ATP6V1H: variants seen among roughly 807,000 people sequenced by gnomAD.
The protein encoded by ATP6V1H is ATPase H+ transporting V1 subunit H.
Under a neutral mutation model 71.7 loss-of-function variants are expected in ATP6V1H, and 39 were observed. The ratio of observed to expected loss-of-function variants is 0.54; its 90% CI spans 0.42 to 0.71. ATP6V1H has a LOEUF of 0.71. Ranked by LOEUF, ATP6V1H falls within the 30% of genes least tolerant of loss-of-function variation. ATP6V1H has a pLI of 0.00. For missense variants in ATP6V1H, 509 were observed against 594.9 expected (o/e 0.86, Z 1.50); for synonymous variants, 192 against 199.3 (o/e 0.96, Z 0.31).
intron 9 of ATP6V1H, among the ~76,000 whole-genome samples, chr8:53,775,987 C>A (rs1808865739): frequency 6.6e-6 from 1 of 152,224 alleles, no homozygotes; most frequent in South Asian, 2.1e-4. Flanking sequence ...TGCACAGGAA[C>A]CCACGGAGGC....
At chr8:53,794,618 G>A (rs576745372) in intron 9 of ATP6V1H, among the ~76,000 whole-genome samples, 4 of 152,222 alleles carry the variant, frequency 2.6e-5, no homozygotes, top group South Asian at 2.1e-4. Context: ...CGCCCACCTC[G>A]GCCTCCCAAA....
At chr8:53,751,959 T>C (rs1411231700) in intron 12 of ATP6V1H, among the ~76,000 whole-genome samples, 1 of 152,186 alleles carries the variant, frequency 6.6e-6, no homozygotes, top group Non-Finnish European at 1.5e-5. Context: ...TGAGCCACTG[T>C]GCCCGGCCAA....
intron 13 of ATP6V1H, among the ~76,000 whole-genome samples, chr8:53,743,288 A>G (rs1163046785): frequency 6.6e-6 from 1 of 152,226 alleles, no homozygotes; most frequent in Non-Finnish European, 1.5e-5. Flanking sequence ...AACTGCATTC[A>G]GCTCCAAAAA....
chr8:53,828,324 T>A (rs547895972), intron 4 of ATP6V1H, among the ~76,000 whole-genome samples: 1 of 152,158 alleles, frequency 6.6e-6, no homozygotes, highest in Non-Finnish European at 1.5e-5. Context: ...GAGGTACACA[T>A]ACGGAAAGGA....
chr8:53,775,954 G>T (rs974162129), intron 9 of ATP6V1H, among the ~76,000 whole-genome samples: 16 of 152,256 alleles, frequency 1.1e-4, no homozygotes, highest in Non-Finnish European at 8.8e-5. Flanking sequence ...GCAGGGGGCG[G>T]TGCTCATCAG....
chr8:53,817,374 T>TA, intron 5 of ATP6V1H, 43 bp downstream of exon 5: 7 of 1,410,396 alleles, frequency 5.0e-6, no homozygotes, highest in Non-Finnish European at 6.9e-6. Context: ...CCTCTCTCTT[T>TA]AAAAAAATTT....
intron 12 of ATP6V1H, among the ~76,000 whole-genome samples, chr8:53,748,434 C>A: frequency 6.6e-6 from 1 of 152,108 alleles, no homozygotes; most frequent in East Asian, 1.9e-4. Context: ...CTCATTAAAT[C>A]TATTTGAAGG....
At chr8:53,804,223 A>G (rs1810006320) in intron 7 of ATP6V1H, among the ~76,000 whole-genome samples, 1 of 152,226 alleles carries the variant, frequency 6.6e-6, no homozygotes, top group Non-Finnish European at 1.5e-5. Flanking sequence ...CAATTACGCA[A>G]AGTAGAGTGC....
At chr8:53,781,883 C>G (rs921534074) in intron 9 of ATP6V1H, among the ~76,000 whole-genome samples, 1 of 152,162 alleles carries the variant, frequency 6.6e-6, no homozygotes, top group African/African-American at 2.4e-5. Flanking sequence ...GGGCTCTGTT[C>G]TGTTCCATTG....
intron 9 of ATP6V1H, among the ~76,000 whole-genome samples, chr8:53,775,729 A>C (rs1808854538): frequency 6.6e-6 from 1 of 152,156 alleles, no homozygotes; most frequent in Non-Finnish European, 1.5e-5. Context: ...TGGTGCACTC[A>C]CAAACCTTGA....
At chr8:53,765,714 T>A (rs1217050741) in intron 11 of ATP6V1H, among the ~76,000 whole-genome samples, 1 of 152,160 alleles carries the variant, frequency 6.6e-6, no homozygotes, top group Non-Finnish European at 1.5e-5. Flanking sequence ...CCAACTTGAT[T>A]TACAGATTCA....
At chr8:53,730,906 G>A (rs1806992859) in intron 13 of ATP6V1H, among the ~76,000 whole-genome samples, 1 of 152,132 alleles carries the variant, frequency 6.6e-6, no homozygotes, top group Admixed American at 6.5e-5. Context: ...GATTTTGTTA[G>A]GCTCTGGACT....
chr8:53,810,027 A>G (rs1810221541), intron 7 of ATP6V1H, among the ~76,000 whole-genome samples: 1 of 152,204 alleles, frequency 6.6e-6, no homozygotes, highest in African/African-American at 2.4e-5. Flanking sequence ...GCTGCCATCT[A>G]TGGTCTTGGA....
At chr8:53,800,825 G>A (rs953770248) in intron 8 of ATP6V1H, among the ~76,000 whole-genome samples, 4 of 151,924 alleles carry the variant, frequency 2.6e-5, no homozygotes, top group East Asian at 1.9e-4. Flanking sequence ...TCTTAGTTCC[G>A]TCAATTTTTC....
At chr8:53,826,985 C>A (rs966682930) in intron 4 of ATP6V1H, among the ~76,000 whole-genome samples, 13 of 151,228 alleles carry the variant, frequency 8.6e-5, no homozygotes, top group African/African-American at 2.9e-4. Context: ...TGGTCACCTA[C>A]GAGAGGGAGG....
At chr8:53,722,417 T>A (rs1806655850) in intron 13 of ATP6V1H, among the ~76,000 whole-genome samples, 1 of 152,208 alleles carries the variant, frequency 6.6e-6, no homozygotes, top group Non-Finnish European at 1.5e-5. Flanking sequence ...TACATACAGA[T>A]CCAGTTATGC....
At chr8:53,764,378 T>C (rs961301197) in intron 11 of ATP6V1H, among the ~76,000 whole-genome samples, 1 of 152,174 alleles carries the variant, frequency 6.6e-6, no homozygotes, top group Non-Finnish European at 1.5e-5. Context: ...GCGTAATATT[T>C]GAGAATCAAT....
intron 13 of ATP6V1H, among the ~76,000 whole-genome samples, chr8:53,740,456 C>T (rs1667131717): frequency 6.6e-6 from 1 of 152,164 alleles, no homozygotes; most frequent in Admixed American, 6.5e-5. Context: ...GACCTTCATG[C>T]TTTCATCTGT....
chr8:53,779,930 AG>A (rs1160792918), intron 9 of ATP6V1H, among the ~76,000 whole-genome samples: 1 of 152,124 alleles, frequency 6.6e-6, no homozygotes, highest in African/African-American at 2.4e-5. Context: ...AGGCCAAGGC[AG>A]GCGGATCACC....
Sources: allele counts gnomAD v4.1 joint callset (sites outside exome capture counted in the v4.1 genomes callset), GRCh38; gene constraint gnomAD v4.1.1; transcripts MANE v1.5; gene names NCBI Gene and HGNC (gene_info 2026-07-23, HGNC 2026-07-21).